The following MYO15A variants were observed in gnomAD, a reference collection of about 807,000 sequenced individuals.
MYO15A encodes the protein unconventional myosin-XV.
A neutral mutation model predicts 394.6 loss-of-function variants in MYO15A; 308 were observed. The ratio of observed to expected loss-of-function variants is 0.78; its 90% CI spans 0.71 to 0.86. The LOEUF is 0.86. Ranked by LOEUF, MYO15A falls within the 40% of genes least tolerant of loss-of-function variation. MYO15A has a pLI of 0.00. For missense variants in MYO15A, 4,606 were observed against 4,799.1 expected, an observed-to-expected ratio of 0.96 and a Z score of 1.19; for synonymous variants, 1,957 against 2,003.8, an observed-to-expected ratio of 0.98 and a Z score of 0.62.
intron 1 of MYO15A, among the ~76,000 whole-genome samples, chr17:18,113,786 G>C (rs2975000): frequency 0.9 from 132,370 of 146,392 alleles, 59,756 homozygotes; most frequent in South Asian, 0.95. Context: ...TATATTCTTA[G>C]CACCTCCCCT....
chr17:18,112,788 A>G (rs2045737253), intron 1 of MYO15A, among the ~76,000 whole-genome samples: 1 of 152,178 alleles, frequency 6.6e-6, no homozygotes, highest in Non-Finnish European at 1.5e-5. Flanking sequence ...TCAAACTAAT[A>G]TAGAAAGATT....
intron 63 of MYO15A, 44 bp from the exon 64 acceptor site, chr17:18,172,113 G>A (rs768750561): frequency 1.9e-6 from 3 of 1,613,366 alleles, no homozygotes; most frequent in East Asian, 2.2e-5. Context: ...TGTTGTCAGT[G>A]AGCCCTGCCC....
Position 18,120,609 on chromosome 17 carries a change from G to A in MYO15A, c.1809G>A (p.Arg603=), listed in dbSNP as rs1226207281. 8 of 1,598,048 alleles carry A rather than the reference G, an allele frequency of 5.0e-6. No homozygotes were observed. In the Admixed American group the frequency reaches 1.2e-4, roughly 24 times the overall value. ...QKARAGGPAV[R]EAAYKRFGYK... ...CCCGGGCGGGCGGCCCTGCTGTCAG[G>A]GAGGCGGCCTACAAACGCTTCGGCT... is the stretch of plus-strand genomic sequence containing the variant. The change falls in exon 2 of 66, where the codon AGG becomes AGA. Residue 603 remains arginine, a synonymous_variant. Transcript: ENST00000647165.
At chr17:18,158,804 G>A (rs984963396) in intron 52 of MYO15A, 121 bp from the exon 53 acceptor site, 3 of 1,407,402 alleles carry the variant, frequency 2.1e-6, no homozygotes, top group Non-Finnish European at 3.0e-6. Context: ...GGGTCTTCGT[G>A]ACCGGTAGAC....
chr17:18,123,532 C>T (rs1388785032), intron 2 of MYO15A: 1 of 152,392 alleles, frequency 6.6e-6, no homozygotes, highest in Non-Finnish European at 1.5e-5. Flanking sequence ...GGGTTCCTTC[C>T]TGGTGTCCTC....
Position 18,151,253 on chromosome 17 carries a change from C to T in MYO15A, c.7617C>T (p.Ala2539=). ...GGCTCCCCATCAAGCCTGTGGCTGC[C>T]CCTGTTCTAGCTCAGGATCAGGCTT... ...APRLPIKPVA[A]PVLAQDQASP... The change falls in exon 39 of 66, where the codon GCC becomes GCT. Residue 2539 remains alanine (A), a synonymous_variant. Transcript: ENST00000647165. The T allele has an allele frequency of 3.1e-6, 5 of 1,614,186 alleles. No individual in the cohort carries two copies. The highest frequency in any genetic ancestry group is 3.4e-6 in the Non-Finnish European group (4 of 1,180,032).
At chr17:18,173,074 G>A (rs940451373) in intron 64 of MYO15A, among the ~76,000 whole-genome samples, 4 of 152,194 alleles carry the variant, frequency 2.6e-5, no homozygotes, top group African/African-American at 9.7e-5. Context: ...TAGAGGGGGT[G>A]TTAGCAAGCA....
At position 18,133,392 on chromosome 17, in the gene MYO15A, G is replaced by GGGAC. The variant is rs1567636779; in HGVS notation, c.4482+8_4482+11dup. On this transcript the variant is annotated splice_region_variant and intron_variant, in intron 12 of 65. Transcript: ENST00000647165. ...TCTACTTTGAGAAGTATGAGGTGAG[G>GGGAC]GGACGCCACAGCCTGCCATGGGGCC... The GGGAC allele has an allele frequency of 1.2e-6, 2 of 1,613,862 alleles. No homozygotes were observed. The highest frequency in any genetic ancestry group is 2.2e-5 in the South Asian group (2 of 91,060).
intron 50 of MYO15A, 117 bp downstream of exon 50, chr17:18,157,347 C>A: frequency 7.3e-7 from 1 of 1,373,116 alleles, no homozygotes; most frequent in South Asian, 1.2e-5. Context: ...CTGGTCAGGT[C>A]TCCTAAGGTC....
chr17:18,136,365 C>A (rs74372818), intron 13 of MYO15A, 52 bp from the exon 14 acceptor site: 18 of 1,608,510 alleles, frequency 1.1e-5, no homozygotes, highest in Non-Finnish European at 1.4e-5. Context: ...GGGGGCTTTC[C>A]GGAGGCAGAG....
intron 62 of MYO15A, among the ~76,000 whole-genome samples, chr17:18,171,334 C>T (rs2046937248): frequency 6.6e-6 from 1 of 152,170 alleles, no homozygotes; most frequent in African/African-American, 2.4e-5. Flanking sequence ...ATCTTGCCCC[C>T]ACCAACCCAT....
chr17:18,159,446 T>C (rs900761552), intron 54 of MYO15A, 99 bp downstream of exon 54: 32 of 1,506,666 alleles, frequency 2.1e-5, no homozygotes, highest in Non-Finnish European at 2.5e-5. Context: ...TCAGATTCTT[T>C]CCCTCCCGCC....
intron 64 of MYO15A, 31 bp from the exon 65 acceptor site, chr17:18,173,750 G>A: frequency 6.2e-7 from 1 of 1,613,612 alleles, no homozygotes; most frequent in Non-Finnish European, 8.5e-7. Context: ...TCGCCCACAG[G>A]CCTGTCCGGC....
chr17:18,118,819 G>C lies in MYO15A; in HGVS notation c.19G>C (p.Glu7Gln). 1 of 1,609,288 alleles carries C rather than the reference G, an allele frequency of 6.2e-7. No individual in the cohort carries two copies. The highest frequency in any genetic ancestry group is 8.5e-7 in the Non-Finnish European group (1 of 1,177,832). Residue 7 changes from glutamate (E) to glutamine (Q), a missense_variant, in exon 2 of 66, where the codon GAG becomes CAG. Glu to Gln is a conservative substitution (Grantham distance 29). Around this residue, in one of 2 missense-constraint regions of MYO15A, gnomAD observed 1,830 missense variants for 1,689.7 expected, o/e 1.08. Coordinates refer to ENST00000647165, the MANE Select transcript of MYO15A (RefSeq NM_016239.4). MAKEED[E>Q]EKKAKKGKKG... ...AGCCACCATGGCGAAGGAGGAAGAT[G>C]AGGAGAAGAAAGCCAAGAAAGGGAA...
rs774625014 is a variant in MYO15A at position 18,155,222 on chromosome 17, C to G, written c.8337C>G (p.Ala2779=). The G allele has an allele frequency of 6.2e-7, 1 of 1,613,986 alleles. No individual in the cohort carries two copies. Among genetic ancestry groups the G allele is most frequent in the Admixed American group, 1.7e-5 (1 of 60,030 alleles). ...TCTACTTCTCCCGCATCTTCCCCGC[C>G]ACGGTGCGAGCCCCTCACTTGCCCC... ...WEVYFSRIFP[A]TGSVGTGVQL... is the part of the protein sequence containing the mutation. Residue 2779 remains alanine, a synonymous_variant, in exon 46 of 66, where the codon GCC becomes GCG. Transcript: ENST00000647165.
intron 20 of MYO15A, 21 bp downstream of exon 20, chr17:18,140,686 G>T (rs2046362766): frequency 6.2e-7 from 1 of 1,613,852 alleles, no homozygotes; most frequent in African/African-American, 1.3e-5. Context: ...GGGCAGGTGG[G>T]CGGAGCACCC....
At position 18,166,511 on chromosome 17, in the gene MYO15A, A is replaced by T. The variant is rs1250472446; in HGVS notation, c.9938A>T (p.His3313Leu). Residue 3313 changes from histidine to leucine, a missense_variant, in exon 61 of 66, where the codon CAC becomes CTC. His to Leu is a moderately conservative substitution (Grantham distance 99, BLOSUM62 -3). This residue lies in a region of MYO15A where 2,776 missense variants were observed against 3,109.3 expected (regional missense o/e 0.89). Transcript: ENST00000647165. ...KFENELYVTM[H>L]YNQVLPDYLK... ...GAGAATGAGCTATATGTGACCATGCACTACAACCAGGTCAGCACACGTAGG... is the reference window on the plus strand; with the variant it reads ...GAGAATGAGCTATATGTGACCATGCTCTACAACCAGGTCAGCACACGTAGG... 1 of 1,613,284 alleles carries T rather than the reference A, an allele frequency of 6.2e-7. No individual in the cohort carries two copies. The highest frequency in any genetic ancestry group is 2.2e-5 in the East Asian group (1 of 44,880).
chr17:18,120,382 G>GGCCA lies in MYO15A; in HGVS notation c.1583_1586dup (p.His529GlnfsTer33). The GGCCA allele has an allele frequency of 6.2e-7, 1 of 1,611,354 alleles. No homozygotes were observed. The highest frequency in any genetic ancestry group is 8.5e-7 in the Non-Finnish European group (1 of 1,179,760). On this transcript the variant is annotated frameshift_variant, in exon 2 of 66. Coordinates refer to ENST00000647165, the MANE Select transcript of MYO15A (RefSeq NM_016239.4). LOFTEE classifies it high-confidence loss of function. ...GCCCCCGGTTTCCGCTGTGCCCTAC[G>GGCCA]GCCACCCTTTCTGGGGCTTCCTCAC...
intron 53 of MYO15A, 23 bp downstream of exon 53, chr17:18,159,020 T>C: frequency 1.9e-6 from 3 of 1,612,016 alleles, no homozygotes; most frequent in South Asian, 1.1e-5. Flanking sequence ...GGACCTCAGT[T>C]TCCCCATCTG....
Sources: allele counts gnomAD v4.1 joint callset (sites outside exome capture counted in the v4.1 genomes callset), GRCh38; gene constraint gnomAD v4.1.1; regional missense constraint gnomAD v4.1.1; transcripts MANE v1.5; gene names NCBI Gene and HGNC (gene_info 2026-07-23, HGNC 2026-07-21).